Variants in RPGRIP1L observed in about 807,000 individuals in gnomAD.
RPGRIP1L encodes the protein protein fantom.
In RPGRIP1L, 131 loss-of-function variants were observed where a neutral mutation model predicts 160.4. That is an observed-to-expected ratio of 0.82 (90% CI 0.71 to 0.94). RPGRIP1L has a LOEUF of 0.94. RPGRIP1L is among the 40% of genes least tolerant of loss of function. The probability of loss-of-function intolerance (pLI) is 0.00; values close to 1 mark genes in which losing one functional copy is unlikely to be tolerated. For missense variants in RPGRIP1L, 1,522 were observed against 1,535.8 expected (o/e 0.99, Z 0.15); for synonymous variants, 510 against 515.8 (o/e 0.99, Z 0.15).
chr16:53,685,948 A>T (rs1157297186), intron 6 of RPGRIP1L, among the ~76,000 whole-genome samples: 1 of 152,252 alleles, frequency 6.6e-6, no homozygotes, highest in Non-Finnish European at 1.5e-5. Flanking sequence ...GACCAACTGT[A>T]ATCTTATCAC....
At chr16:53,618,067 A>G (rs1964487495) in intron 24 of RPGRIP1L, among the ~76,000 whole-genome samples, 1 of 152,188 alleles carries the variant, frequency 6.6e-6, no homozygotes, top group Non-Finnish European at 1.5e-5. Context: ...TATACTAACA[A>G]TCACACAATA....
chr16:53,631,300 T>C (rs1598277596), intron 22 of RPGRIP1L, among the ~76,000 whole-genome samples: 1 of 152,350 alleles, frequency 6.6e-6, no homozygotes, highest in East Asian at 1.9e-4. Flanking sequence ...CAGGTGGAAC[T>C]GCAATTTAGT....
At chr16:53,667,910 TAGAC>T in intron 9 of RPGRIP1L, among the ~76,000 whole-genome samples, 1 of 151,744 alleles carries the variant, frequency 6.6e-6, no homozygotes. Flanking sequence ...AATTAAAAAT[TAGAC>T]AGGTCTTGTG....
intron 3 of RPGRIP1L, chr16:53,693,224 C>T (rs946397802): frequency 6.6e-6 from 1 of 152,144 alleles, no homozygotes; most frequent in African/African-American, 2.4e-5. Context: ...CAAAATTGGT[C>T]GCACATCTTC....
At chr16:53,618,276 T>C (rs939411685) in intron 24 of RPGRIP1L, among the ~76,000 whole-genome samples, 1 of 152,158 alleles carries the variant, frequency 6.6e-6, no homozygotes, top group Non-Finnish European at 1.5e-5. Flanking sequence ...ATCTAGACAC[T>C]GAGAGAGATA....
Position 53,692,128 on chromosome 16 carries a change from C to T in RPGRIP1L, c.467G>A (p.Arg156His), listed in dbSNP as rs368033553. The T allele has an allele frequency of 7.4e-6, 12 of 1,613,846 alleles. No individual in the cohort carries two copies. Among genetic ancestry groups the T allele is most frequent in the South Asian group, 2.2e-5 (2 of 91,076 alleles). Reference sequence around the variant, plus strand: ...TGCTTTTCTACGCCCAGTGTTAATACGAGATTGTACATTATTGTATGGAGT... The same window carrying T: ...TGCTTTTCTACGCCCAGTGTTAATATGAGATTGTACATTATTGTATGGAGT... The part of the protein sequence containing the change: ...RQTPYNNVQS[R>H]INTGRRKANE... Residue 156 changes from arginine (R) to histidine (H), a missense_variant, in exon 4 of 27, where the codon CGT becomes CAT. Arg to His is a conservative substitution (Grantham distance 29). Coordinates refer to ENST00000647211, the MANE Select transcript of RPGRIP1L (RefSeq NM_015272.5).
At position 53,669,436 on chromosome 16, in the gene RPGRIP1L, T is replaced by C. The variant is rs1968533578; in HGVS notation, c.1103+2074A>G. Among the ~76,000 whole-genome samples the C allele has an allele frequency of 2.0e-5, 3 of 151,114 alleles. No individual in the cohort carries two copies. In the East Asian group the frequency reaches 5.8e-4, roughly 29 times the overall value. ...TGCTTTTAGTGTGACAGGAAAAAAA[T>C]GTTAGTGCAAGCATAAAACATTGAA... On this transcript the variant is annotated intron_variant, in intron 9 of 26. Transcript: ENST00000647211.
chr16:53,666,956 T>G (rs1158033738), intron 9 of RPGRIP1L, among the ~76,000 whole-genome samples: 2 of 152,306 alleles, frequency 1.3e-5, no homozygotes, highest in Non-Finnish European at 2.9e-5. Flanking sequence ...AGAAATTCCT[T>G]TTGAATTTAC....
At chr16:53,638,221 T>C in intron 20 of RPGRIP1L, 89 bp downstream of exon 20, 1 of 819,656 alleles carries the variant, frequency 1.2e-6, no homozygotes, top group Non-Finnish European at 2.1e-6. Context: ...GGAAATGCTA[T>C]GACTTCCTGA....
intron 15 of RPGRIP1L, among the ~76,000 whole-genome samples, chr16:53,651,895 T>C (rs1252729498): frequency 6.6e-6 from 1 of 151,896 alleles, no homozygotes; most frequent in African/African-American, 2.4e-5. Context: ...TTATAATAGT[T>C]ATAACTATTA....
intron 6 of RPGRIP1L, among the ~76,000 whole-genome samples, chr16:53,682,163 A>G (rs1473046812): frequency 6.6e-6 from 1 of 152,190 alleles, no homozygotes; most frequent in African/African-American, 2.4e-5. Flanking sequence ...CACTATAGGT[A>G]TCTTTCCTTC....
chr16:53,625,110 G>A (rs1052870578), intron 22 of RPGRIP1L, among the ~76,000 whole-genome samples: 3 of 152,122 alleles, frequency 2.0e-5, no homozygotes, highest in Non-Finnish European at 4.4e-5. Context: ...ATCTTGGCTC[G>A]CTACAACCTC....
chr16:53,668,896 G>A (rs914264366), intron 9 of RPGRIP1L, among the ~76,000 whole-genome samples: 2 of 152,120 alleles, frequency 1.3e-5, no homozygotes, highest in Non-Finnish European at 2.9e-5. Flanking sequence ...AGTAACATGA[G>A]GGTTTTATCT....
At chr16:53,603,674 A>ATGTGTG (rs3035223) in intron 26 of RPGRIP1L, among the ~76,000 whole-genome samples, 5,589 of 147,996 alleles carry the variant, frequency 0.038, 158 homozygotes, top group African/African-American at 0.07. Context: ...TTGAACTTTA[A>ATGTGTG]TGTGTGTGTG....
chr16:53,611,393 T>A (rs1964026349), intron 24 of RPGRIP1L, among the ~76,000 whole-genome samples: 1 of 152,236 alleles, frequency 6.6e-6, no homozygotes, highest in Non-Finnish European at 1.5e-5. Context: ...ATTTACTGCA[T>A]TTTCTTTCAC....
At chr16:53,694,123 T>A (rs1358616454) in intron 3 of RPGRIP1L, 1 of 152,162 alleles carries the variant, frequency 6.6e-6, no homozygotes, top group Non-Finnish European at 1.5e-5. Context: ...TCTGGCAAAG[T>A]CTGAGTGCTT....
intron 26 of RPGRIP1L, 91 bp downstream of exon 26, chr16:53,605,390 C>A (rs754822115): frequency 6.9e-7 from 1 of 1,454,450 alleles, no homozygotes; most frequent in South Asian, 1.1e-5. Context: ...TGACTCAGCA[C>A]CCTTGGAGCC....
At chr16:53,625,868 G>C (rs1001296718) in intron 22 of RPGRIP1L, among the ~76,000 whole-genome samples, 7 of 152,042 alleles carry the variant, frequency 4.6e-5, no homozygotes, top group Non-Finnish European at 1.0e-4. Context: ...TCTGAAACAT[G>C]TGCTGTGTCA....
chr16:53,638,755 G>C (rs1966004924), intron 19 of RPGRIP1L, among the ~76,000 whole-genome samples: 2 of 151,658 alleles, frequency 1.3e-5, no homozygotes, highest in South Asian at 4.2e-4. Context: ...AAAAAATGAT[G>C]TAGACCTGTG....
Sources: gnomAD v4.1 joint callset for allele counts (sites outside exome capture counted in the v4.1 genomes callset) on GRCh38, gnomAD v4.1.1 for gene constraint, MANE v1.5 for transcripts, NCBI Gene and HGNC (gene_info 2026-07-23, HGNC 2026-07-21) for gene names.